The following EBF1 variants were observed in gnomAD, a reference collection of about 807,000 sequenced individuals.
EBF1 encodes transcription factor COE1.
EBF1 carries 10 observed loss-of-function variants against 68.4 expected under a neutral mutation model. The ratio of observed to expected loss-of-function variants is 0.15; its 90% CI spans 0.09 to 0.25. EBF1 has a LOEUF of 0.25. Ranked by LOEUF, EBF1 falls within the 10% of genes least tolerant of loss-of-function variation. The pLI, the probability that EBF1 is intolerant of heterozygous loss-of-function variation, is 1.00. For missense variants in EBF1, 509 were observed against 794.4 expected, an observed-to-expected ratio of 0.64 and a Z score of 4.32; for synonymous variants, 298 against 299.8, an observed-to-expected ratio of 0.99 and a Z score of 0.06.
intron 7 of EBF1, among the ~76,000 whole-genome samples, chr5:158,833,220 C>T (rs1040443462): frequency 3.3e-5 from 5 of 150,902 alleles, no homozygotes; most frequent in Admixed American, 1.3e-4. Context: ...GCAGGAGAAT[C>T]GCTTGAACCC....
chr5:158,898,487 ATCTT>A (rs1156702950), intron 6 of EBF1, among the ~76,000 whole-genome samples: 1 of 152,226 alleles, frequency 6.6e-6, no homozygotes, highest in East Asian at 1.9e-4. Context: ...TTAGAATGGG[ATCTT>A]TCTTTTTATT....
chr5:158,921,642 A>G (rs1184566607), intron 6 of EBF1, among the ~76,000 whole-genome samples: 1 of 152,244 alleles, frequency 6.6e-6, no homozygotes, highest in Non-Finnish European at 1.5e-5. Context: ...TAATTAGTCC[A>G]TGTGATGAAT....
chr5:158,893,074 G>T (rs186767838), intron 6 of EBF1, among the ~76,000 whole-genome samples: 1 of 152,022 alleles, frequency 6.6e-6, no homozygotes, highest in East Asian at 1.9e-4. Context: ...CTCTGATTTG[G>T]CTATACCCAT....
intron 6 of EBF1, among the ~76,000 whole-genome samples, chr5:158,975,951 C>T (rs1411629526): frequency 6.6e-6 from 1 of 152,144 alleles, no homozygotes; most frequent in Non-Finnish European, 1.5e-5. Context: ...GAAGTTAAGT[C>T]CCTAATAGTT....
chr5:158,876,411 A>G lies in EBF1; in HGVS notation c.555-36301T>C, dbSNP rs548764982. ...TCAGGAAGTTACATCAGAATTCTCT[A>G]TTTGAGTCTTGGCTAGAAGAAACTT... is the stretch of plus-strand genomic sequence containing the variant. On this transcript the variant is annotated intron_variant, in intron 6 of 15. Coordinates refer to ENST00000313708, the MANE Select transcript of EBF1 (RefSeq NM_024007.5). Among the ~76,000 whole-genome samples, 12 of 152,210 alleles carry G rather than the reference A, an allele frequency of 7.9e-5. No individual in the cohort carries two copies. In the South Asian group the frequency reaches 1.7e-3, roughly 21 times the overall value.
chr5:158,796,407 T>A lies in EBF1; in HGVS notation c.847A>T (p.Ile283Leu). 6.2e-7 allele frequency: 1 copy of A among 1,613,806 alleles called. No individual in the cohort carries two copies. The highest frequency in any genetic ancestry group is 8.5e-7 in the Non-Finnish European group (1 of 1,179,796). ...WTTGGATVII[I>L]GDNFFDGLQV... ...AACCCATCAAAGAAATTGTCCCCTA[T>A]GATGATCACAGTCGCACCTCCCGTC... Residue 283 changes from isoleucine (I) to leucine (L), a missense_variant, in exon 9 of 16, where the codon ATA (isoleucine) becomes TTA (leucine). Transcript: ENST00000313708.
chr5:158,844,450 C>T (rs1353734575), intron 6 of EBF1, among the ~76,000 whole-genome samples: 2 of 152,106 alleles, frequency 1.3e-5, no homozygotes, highest in African/African-American at 2.4e-5. Context: ...CAACCAATCT[C>T]GTAAATTGAC....
intron 6 of EBF1, among the ~76,000 whole-genome samples, chr5:159,020,226 G>A (rs1004750643): frequency 3.9e-5 from 6 of 152,116 alleles, no homozygotes; most frequent in Non-Finnish European, 1.5e-5. Context: ...TGAGCCAAAG[G>A]ATCAATTGAT....
intron 10 of EBF1, among the ~76,000 whole-genome samples, chr5:158,737,573 C>T (rs951106178): frequency 6.6e-6 from 1 of 152,016 alleles, no homozygotes; most frequent in African/African-American, 2.4e-5. Flanking sequence ...CGTGAGCCAC[C>T]GCGTCCGATC....
intron 15 of EBF1, among the ~76,000 whole-genome samples, chr5:158,701,979 A>C (rs1420810187): frequency 6.6e-6 from 1 of 152,210 alleles, no homozygotes; most frequent in African/African-American, 2.4e-5. Flanking sequence ...GCAAGACAGC[A>C]TGCCACAGCA....
chr5:158,744,043 T>C (rs567119991), intron 10 of EBF1, among the ~76,000 whole-genome samples: 6 of 151,992 alleles, frequency 3.9e-5, no homozygotes, highest in African/African-American at 1.4e-4. Flanking sequence ...TGGTAGTGCA[T>C]ACTTGTAGTC....
intron 6 of EBF1, among the ~76,000 whole-genome samples, chr5:159,010,546 A>G (rs1157480300): frequency 2.6e-5 from 4 of 152,236 alleles, no homozygotes; most frequent in Admixed American, 6.5e-5. Context: ...GTGATTTAAA[A>G]TGTTTATTTT....
rs781723383 is a variant in EBF1 at position 158,796,447 on chromosome 5, C to A, written c.807G>T (p.Pro269=). The A allele has an allele frequency of 6.2e-7, 1 of 1,613,168 alleles. No homozygotes were observed. Among genetic ancestry groups the A allele is most frequent in the Non-Finnish European group, 8.5e-7 (1 of 1,179,490 alleles). The change falls in exon 9 of 16, where the codon CCG becomes CCT. Residue 269 remains proline, a synonymous_variant. Coordinates refer to ENST00000313708, the MANE Select transcript of EBF1 (RefSeq NM_024007.5). The part of the protein sequence containing the change: ...HATPCIKAIS[P]SEGWTTGGAT... ...CACCTCCCGTCGTCCATCCTTCACTCGGGCTGATGGCTTTGATACAGGGAG... is the reference window on the plus strand; with the variant it reads ...CACCTCCCGTCGTCCATCCTTCACTAGGGCTGATGGCTTTGATACAGGGAG...
chr5:158,908,404 G>A (rs942041832), intron 6 of EBF1, among the ~76,000 whole-genome samples: 1 of 152,174 alleles, frequency 6.6e-6, no homozygotes, highest in Non-Finnish European at 1.5e-5. Context: ...TCAATAAGTT[G>A]TTATAATTTT....
rs10476279 is a variant in EBF1 at position 158,957,033 on chromosome 5, C to T, written c.554+116363G>A. On this transcript the variant is annotated intron_variant, in intron 6 of 15. Transcript: ENST00000313708. ...TAGGCCTCCCAAAGTGCTGGGATTA[C>T]AGGCGTGAGCCACACTTCTAATGAA... Among the ~76,000 whole-genome samples, 873 of 152,308 alleles carry T rather than the reference C, an allele frequency of 5.7e-3. 11 individuals carry two copies. The highest frequency in any genetic ancestry group is 0.02 in the African/African-American group (831 of 41,568).
intron 6 of EBF1, among the ~76,000 whole-genome samples, chr5:158,927,222 T>C (rs908882575): frequency 6.6e-6 from 1 of 152,264 alleles, no homozygotes; most frequent in Non-Finnish European, 1.5e-5. Context: ...GTGATAACTT[T>C]GCAGAATGGC....
intron 15 of EBF1, among the ~76,000 whole-genome samples, chr5:158,700,319 G>C (rs371525427): frequency 6.6e-6 from 1 of 152,254 alleles, no homozygotes; most frequent in Non-Finnish European, 1.5e-5. Flanking sequence ...CAAAGTGAGA[G>C]AGATGCTGAC....
Position 159,024,382 on chromosome 5 carries a change from G to A in EBF1, c.554+49014C>T, listed in dbSNP as rs577490761. Among the ~76,000 whole-genome samples, 34 of 152,232 alleles carry A rather than the reference G, an allele frequency of 2.2e-4. 2 individuals are homozygous for A. Among genetic ancestry groups the A allele is most frequent in the South Asian group, 6.2e-4 (3 of 4,822 alleles). ...AGAACCTAAGTCTTGGAGAAACTACGTAATTTTTCCAATTTTACGGCCCTT... is the reference window on the plus strand; with the variant it reads ...AGAACCTAAGTCTTGGAGAAACTACATAATTTTTCCAATTTTACGGCCCTT... On this transcript the variant is annotated intron_variant, in intron 6 of 15. Coordinates refer to ENST00000313708, the MANE Select transcript of EBF1 (RefSeq NM_024007.5).
At chr5:158,855,958 A>C (rs558736921) in intron 6 of EBF1, among the ~76,000 whole-genome samples, 45 of 152,252 alleles carry the variant, frequency 3.0e-4, no homozygotes, top group Non-Finnish European at 3.8e-4. Flanking sequence ...CTAGATTCTT[A>C]AGCATGGCAG....
Sources: gnomAD v4.1 joint callset for allele counts (sites outside exome capture counted in the v4.1 genomes callset) on GRCh38, gnomAD v4.1.1 for gene constraint, MANE v1.5 for transcripts, NCBI Gene and HGNC (gene_info 2026-07-23, HGNC 2026-07-21) for gene names.